TRAPPC9: variants seen among roughly 807,000 people sequenced by gnomAD.
TRAPPC9 encodes the protein IKK2 binding protein.
Under a neutral mutation model 124.0 loss-of-function variants are expected in TRAPPC9, and 83 were observed. The observed-to-expected ratio is 0.67, with a 90% CI of 0.56 to 0.80. TRAPPC9 has a LOEUF of 0.80. Among genes scored for constraint, TRAPPC9 ranks in the 30% least tolerant of loss-of-function variants. TRAPPC9 has a pLI of 0.00. For synonymous variants in TRAPPC9, 638 were observed against 617.5 expected (o/e 1.03, Z -0.49); for missense variants, 1,302 against 1,508.3 (o/e 0.86, Z 2.27).
intron 7 of TRAPPC9, among the ~76,000 whole-genome samples, chr8:140,392,692 C>A (rs60411040): frequency 0.036 from 5,449 of 152,280 alleles, 210 homozygotes; most frequent in African/African-American, 0.097. Context: ...AGAGGCCCTT[C>A]GCCTCTGAAA....
chr8:140,279,801 G>T (rs1475859943), intron 14 of TRAPPC9, among the ~76,000 whole-genome samples: 1 of 152,228 alleles, frequency 6.6e-6, no homozygotes, highest in Non-Finnish European at 1.5e-5. Context: ...GCAGCTAGAG[G>T]ACCTGCTTTC....
intron 19 of TRAPPC9, among the ~76,000 whole-genome samples, chr8:139,969,526 G>A (rs527426241): frequency 5.3e-4 from 80 of 152,332 alleles, no homozygotes; most frequent in African/African-American, 1.9e-3. Flanking sequence ...GGGGCAAGGG[G>A]CTTCACCTCA....
At chr8:139,946,112 G>T (rs954700395) in intron 19 of TRAPPC9, among the ~76,000 whole-genome samples, 1 of 152,188 alleles carries the variant, frequency 6.6e-6, no homozygotes, top group African/African-American at 2.4e-5. Flanking sequence ...AGGTGGATAT[G>T]CGGAATTTTC....
intron 18 of TRAPPC9, among the ~76,000 whole-genome samples, chr8:139,993,742 C>G (rs1837788150): frequency 6.6e-6 from 1 of 152,066 alleles, no homozygotes; most frequent in African/African-American, 2.4e-5. Context: ...CCACCACAGA[C>G]AAATCTCATA....
rs573746179 is a variant in TRAPPC9 at position 140,282,752 on chromosome 8, A to G, written c.2114+1137T>C. The stretch of plus-strand genomic sequence containing the variant: ...TGCAAAAAGTAATCTATAATACTAT[A>G]TATGATGTCATGTAATCTCAACTAT... On this transcript the variant is annotated intron_variant, in intron 14 of 22. Coordinates refer to ENST00000438773, the MANE Select transcript of TRAPPC9 (RefSeq NM_001160372.4). 5.3e-5 allele frequency among the ~76,000 whole-genome samples: 8 copies of G among 152,232 alleles called. No individual in the cohort carries two copies. In the South Asian group the frequency reaches 1.7e-3, roughly 32 times the overall value.
At chr8:140,396,789 C>G (rs539746982) in intron 7 of TRAPPC9, among the ~76,000 whole-genome samples, 1 of 152,266 alleles carries the variant, frequency 6.6e-6, no homozygotes, top group South Asian at 2.1e-4. Context: ...CCCCCACACC[C>G]TCCACCTCCA....
At chr8:139,866,671 A>T (rs1828560999) in intron 21 of TRAPPC9, among the ~76,000 whole-genome samples, 1 of 152,186 alleles carries the variant, frequency 6.6e-6, no homozygotes, top group Non-Finnish European at 1.5e-5. Context: ...AAAGGGACAA[A>T]CCATAAGGAA....
At position 140,419,715 on chromosome 8, in the gene TRAPPC9, C is replaced by T. The variant is rs1233657907; in HGVS notation, c.886+6900G>A. Among the ~76,000 whole-genome samples the T allele has an allele frequency of 2.6e-5, 4 of 151,752 alleles. No homozygotes were observed. In the South Asian group the frequency reaches 8.3e-4, roughly 32 times the overall value. ...CCTGGCTAACACGGTGAAACCCCGT[C>T]TCTACTAAAAATACAAAAAAATTAG... On this transcript the variant is annotated intron_variant, in intron 5 of 22. Transcript: ENST00000438773.
chr8:140,299,505 C>T lies in TRAPPC9; in HGVS notation c.1768+964G>A, dbSNP rs557284874. On this transcript the variant is annotated intron_variant, in intron 11 of 22. Coordinates refer to ENST00000438773, the MANE Select transcript of TRAPPC9 (RefSeq NM_001160372.4). ...AAAGCACTGGATATCAAACACAGAG[C>T]GCCGCGGTTGCGCAGGCCTCCCGCT... 7.9e-5 allele frequency among the ~76,000 whole-genome samples: 12 copies of T among 152,348 alleles called. No homozygotes were observed. In the South Asian group the frequency reaches 2.1e-3, roughly 26 times the overall value.
intron 21 of TRAPPC9, among the ~76,000 whole-genome samples, chr8:139,737,065 C>T (rs759879387): frequency 2.6e-5 from 4 of 152,186 alleles, no homozygotes; most frequent in South Asian, 4.1e-4. Flanking sequence ...TCTAAACTGC[C>T]GCTGGGGGAC....
chr8:140,405,631 A>C lies in TRAPPC9; in HGVS notation c.954T>G (p.Leu318=), dbSNP rs1451784454. ...STEIGRAKNC[L]SPEDIIDKYK... Reference sequence around the variant, plus strand: ...ACTTGTCAATTATGTCTTCAGGGCTAAGGCAGTTCTTAGCACGTCCGATCT... The same window carrying C: ...ACTTGTCAATTATGTCTTCAGGGCTCAGGCAGTTCTTAGCACGTCCGATCT... Residue 318 remains leucine (L), a synonymous_variant, in exon 6 of 23, where the codon CTT becomes CTG. Transcript: ENST00000438773. 1 of 1,614,156 alleles carries C rather than the reference A, an allele frequency of 6.2e-7. No individual in the cohort carries two copies. The highest frequency in any genetic ancestry group is 8.5e-7 in the Non-Finnish European group (1 of 1,179,984).
intron 21 of TRAPPC9, among the ~76,000 whole-genome samples, chr8:139,878,200 T>C (rs1257651386): frequency 6.6e-6 from 1 of 152,226 alleles, no homozygotes; most frequent in African/African-American, 2.4e-5. Flanking sequence ...CTTAACAATA[T>C]GTGCGAGACA....
chr8:140,437,729 TG>T (rs895739801), intron 3 of TRAPPC9, among the ~76,000 whole-genome samples: 35 of 152,210 alleles, frequency 2.3e-4, no homozygotes, highest in Non-Finnish European at 1.9e-4. Flanking sequence ...TTATCATAAG[TG>T]GCTGACAGGT....
intron 21 of TRAPPC9, among the ~76,000 whole-genome samples, chr8:139,784,606 GACAT>G (rs1255951224): frequency 0.012 from 353 of 30,436 alleles, 10 homozygotes; most frequent in African/African-American, 0.032. Context: ...ATAAAAGACT[GACAT>G]ATATATATAT....
At chr8:139,759,695 C>A (rs1039586166) in intron 21 of TRAPPC9, among the ~76,000 whole-genome samples, 5 of 152,192 alleles carry the variant, frequency 3.3e-5, no homozygotes, top group Non-Finnish European at 7.3e-5. Flanking sequence ...GAACTGCAGA[C>A]ACGGGGGCCG....
chr8:139,746,795 G>A lies in TRAPPC9; in HGVS notation c.3056-14593C>T, dbSNP rs552448536. Among the ~76,000 whole-genome samples the A allele has an allele frequency of 1.2e-4, 18 of 152,288 alleles. No homozygotes were observed. The South Asian group carries it at 3.5e-3, about 30-fold the overall frequency. On this transcript the variant is annotated intron_variant, in intron 21 of 22. Coordinates refer to ENST00000438773, the MANE Select transcript of TRAPPC9 (RefSeq NM_001160372.4). ...GGAGGAAGCACCAGGGCCCCCATGC[G>A]CTGCTGTGCCCACGGCCACATTGGG...
At chr8:140,009,387 T>C (rs867645035) in intron 18 of TRAPPC9, among the ~76,000 whole-genome samples, 28 of 152,238 alleles carry the variant, frequency 1.8e-4, no homozygotes, top group African/African-American at 1.4e-4. Flanking sequence ...CAATCATGTA[T>C]ATGATTTAAA....
rs2060638892 is a variant in TRAPPC9, at chr8:140,104,987, G to A, written c.2557-80908C>T. On this transcript the variant is annotated intron_variant, in intron 17 of 22. Coordinates refer to ENST00000438773, the MANE Select transcript of TRAPPC9 (RefSeq NM_001160372.4). This position sits in a 1 kb window ranked among gnomAD's most constrained non-coding sequence, Gnocchi z 4.0. ...GTCCCACTCAGCAGCAGCCCTGACT[G>A]CGTGGCTCCTGGGACAGCCCAAACG... is the stretch of plus-strand genomic sequence containing the variant. 6.6e-6 allele frequency among the ~76,000 whole-genome samples: 1 copy of A among 152,038 alleles called. No homozygotes were observed. Among genetic ancestry groups the A allele is most frequent in the African/African-American group, 2.4e-5 (1 of 41,314 alleles).
rs1274294561 is a variant in TRAPPC9, at chr8:140,311,359, G to T, written c.1511C>A (p.Ala504Asp). 1 of 1,613,832 alleles carries T rather than the reference G, an allele frequency of 6.2e-7. No homozygotes were observed. Among genetic ancestry groups the T allele is most frequent in the South Asian group, 1.1e-5 (1 of 91,086 alleles). ...GGACGTATAGTTCTCTAGGCTTTGG[G>T]CCACATCTTTCTTTTCTGAAGAGAA... is the stretch of plus-strand genomic sequence containing the variant. ...FLSDQEKKDV[A>D]QSLENYTSKC... The change falls in exon 10 of 23, where the codon GCC becomes GAC. Residue 504 changes from alanine (A) to aspartate (D), a missense_variant. Physicochemically the swap from Ala to Asp is moderately radical, Grantham distance 126. Transcript: ENST00000438773.
Sources: allele counts gnomAD v4.1 joint callset (sites outside exome capture counted in the v4.1 genomes callset), GRCh38; gene constraint gnomAD v4.1.1; non-coding constraint Gnocchi (gnomAD v3.1); transcripts MANE v1.5; gene names NCBI Gene and HGNC (gene_info 2026-07-23, HGNC 2026-07-21).